Variants in NELL2 observed in about 807,000 individuals in gnomAD.
The protein encoded by NELL2 is neural EGFL like 2.
NELL2 carries 41 observed loss-of-function variants against 109.6 expected under a neutral mutation model. The observed-to-expected ratio is 0.37, with a 90% CI of 0.29 to 0.49. The LOEUF is 0.49. Among genes scored for constraint, NELL2 ranks in the 20% least tolerant of loss-of-function variants. The pLI, the probability that NELL2 is intolerant of heterozygous loss-of-function variation, is 0.98. For synonymous variants in NELL2, 355 were observed against 344.7 expected, an observed-to-expected ratio of 1.03 and a Z score of -0.33; for missense variants, 900 against 1,008.3, an observed-to-expected ratio of 0.89 and a Z score of 1.45.
intron 9 of NELL2, among the ~76,000 whole-genome samples, chr12:44,737,903 G>A (rs1162685658): frequency 6.6e-6 from 1 of 150,690 alleles, no homozygotes; most frequent in Non-Finnish European, 1.5e-5. Flanking sequence ...AAAAAAAAAT[G>A]TATGACAGAC....
intron 2 of NELL2, 179 bp downstream of exon 2, chr12:44,875,046 A>G (rs771630052): frequency 2.3e-4 from 166 of 735,292 alleles, no homozygotes; most frequent in Non-Finnish European, 3.3e-4. Context: ...AGGGTGAGGC[A>G]GGGGAGAAAA....
In NELL2 at chr12:44,569,688, A is replaced by G. The variant is rs577953507; in HGVS notation, c.1664-36967T>C. Among the ~76,000 whole-genome samples the G allele has an allele frequency of 1.3e-4, 20 of 152,326 alleles. No individual in the cohort carries two copies. In the South Asian group the frequency reaches 3.7e-3, roughly 28 times the overall value. On this transcript the variant is annotated intron_variant, in intron 15 of 19. Coordinates refer to ENST00000429094, the MANE Select transcript of NELL2 (RefSeq NM_001145108.2). ...CTGTTAGGCCTTGGCACCCAGAAAT[A>G]ATATGAAGCAACTGAAATACTTATT...
At chr12:44,661,248 T>C (rs886654004) in intron 13 of NELL2, among the ~76,000 whole-genome samples, 1 of 152,188 alleles carries the variant, frequency 6.6e-6, no homozygotes, top group South Asian at 2.1e-4. Flanking sequence ...GGGGGCAAGA[T>C]GTTGGAGGTG....
At chr12:44,521,643 A>T (rs1431882372) in intron 18 of NELL2, among the ~76,000 whole-genome samples, 1 of 151,776 alleles carries the variant, frequency 6.6e-6, no homozygotes, top group African/African-American at 2.4e-5. Flanking sequence ...AAAAAAGAGT[A>T]TTTTTTTTAT....
rs1210883626 is a variant in NELL2 at position 44,548,531 on chromosome 12, T to A, written c.1664-15810A>T. On this transcript the variant is annotated intron_variant, in intron 15 of 19. Transcript: ENST00000429094. ...CTGCACACCAGCCCGGGTGACAGTG[T>A]GAGACTCCGTCTAAAAAAAAAAAAA... 7.5e-5 allele frequency among the ~76,000 whole-genome samples: 10 copies of A among 133,678 alleles called. No individual in the cohort carries two copies. The Admixed American group carries it at 7.9e-4, about 11-fold the overall frequency. The allele number at this position is 133,678 out of a possible 152,430, so 87.7% of individuals were successfully genotyped here.
At chr12:44,735,388 A>G (rs1939588381) in intron 9 of NELL2, among the ~76,000 whole-genome samples, 1 of 151,928 alleles carries the variant, frequency 6.6e-6, no homozygotes, top group South Asian at 2.1e-4. Context: ...CACCAAAGGC[A>G]TAATACATAA....
At chr12:44,593,090 T>C (rs1489259638) in intron 15 of NELL2, among the ~76,000 whole-genome samples, 1 of 152,074 alleles carries the variant, frequency 6.6e-6, no homozygotes, top group African/African-American at 2.4e-5. Context: ...AAGAAAAGCA[T>C]TCATGATCTA....
At chr12:44,552,809 GTGAC>G (rs1008588131) in intron 15 of NELL2, among the ~76,000 whole-genome samples, 8 of 152,098 alleles carry the variant, frequency 5.3e-5, no homozygotes, top group Non-Finnish European at 1.0e-4. Flanking sequence ...AGTTGTTGCT[GTGAC>G]TTTCAAATTT....
chr12:44,752,396 CAGT>C (rs1940692717), intron 9 of NELL2, among the ~76,000 whole-genome samples: 1 of 152,076 alleles, frequency 6.6e-6, no homozygotes. Flanking sequence ...GACTGACATA[CAGT>C]ATCTCATTTA....
intron 2 of NELL2, among the ~76,000 whole-genome samples, chr12:44,847,664 A>C (rs796579757): frequency 1.9e-4 from 29 of 152,122 alleles, no homozygotes; most frequent in African/African-American, 6.3e-4. Context: ...AACCCACTCC[A>C]TGCAAGACTG....
intron 9 of NELL2, among the ~76,000 whole-genome samples, chr12:44,724,374 A>G (rs1270381396): frequency 6.6e-6 from 1 of 151,988 alleles, no homozygotes; most frequent in Non-Finnish European, 1.5e-5. Flanking sequence ...ACACCTGCAT[A>G]TGTATGCTTT....
intron 13 of NELL2, among the ~76,000 whole-genome samples, chr12:44,644,426 TA>T (rs1307277783): frequency 6.6e-6 from 1 of 151,394 alleles, no homozygotes; most frequent in Non-Finnish European, 1.5e-5. Context: ...ACTTCTCCTC[TA>T]GAAGAATAAG....
chr12:44,869,543 T>C (rs1250105849), intron 2 of NELL2, among the ~76,000 whole-genome samples: 1 of 152,130 alleles, frequency 6.6e-6, no homozygotes. Context: ...TGCCATAATA[T>C]TCTTAAGAAC....
chr12:44,683,366 C>T (rs1948595913), intron 12 of NELL2, among the ~76,000 whole-genome samples: 1 of 144,352 alleles, frequency 6.9e-6, no homozygotes. Context: ...CGTCTGCAAA[C>T]AGGGACAATT....
At chr12:44,899,966 T>G (rs950551599) in intron 1 of NELL2, among the ~76,000 whole-genome samples, 4 of 152,002 alleles carry the variant, frequency 2.6e-5, no homozygotes, top group Non-Finnish European at 5.9e-5. Flanking sequence ...GCAATTTTAG[T>G]CTCTGATAAA....
At chr12:44,748,849 A>G (rs1432729566) in intron 9 of NELL2, among the ~76,000 whole-genome samples, 1 of 152,184 alleles carries the variant, frequency 6.6e-6, no homozygotes, top group Non-Finnish European at 1.5e-5. Flanking sequence ...AGGGACTGTT[A>G]ATGACTAGCA....
In NELL2 at chr12:44,711,375, A is replaced by G. The variant is rs752201490; in HGVS notation, c.1106T>C (p.Val369Ala). ...YECKDQTMKLVESSGCPALDC... is the reference protein window; with the variant it reads ...YECKDQTMKLAESSGCPALDC... ...CAAAGCTGGACAGCCTGAACTCTCA[A>G]CAAGTTTCATGGTCTGGTCCTGTTA... The change falls in exon 11 of 20, where the codon GTT (valine) becomes GCT (alanine). Residue 369 changes from valine to alanine, a missense_variant. This residue lies in a region of NELL2 where 292 missense variants were observed against 265.3 expected (regional missense o/e 1.10). Coordinates refer to ENST00000429094, the MANE Select transcript of NELL2 (RefSeq NM_001145108.2). 6.2e-7 allele frequency: 1 copy of G among 1,612,392 alleles called. No individual in the cohort carries two copies. The highest frequency in any genetic ancestry group is 8.5e-7 in the Non-Finnish European group (1 of 1,178,750).
chr12:44,739,090 T>G (rs750413344), intron 9 of NELL2, among the ~76,000 whole-genome samples: 61 of 152,318 alleles, frequency 4.0e-4, no homozygotes, highest in Non-Finnish European at 7.9e-4. Context: ...CTTCTGATCT[T>G]AAATGTTACT....
At chr12:44,626,911 G>T (rs1164217382) in intron 13 of NELL2, among the ~76,000 whole-genome samples, 2 of 152,138 alleles carry the variant, frequency 1.3e-5, no homozygotes, top group Non-Finnish European at 2.9e-5. Context: ...TTGTTTTTTA[G>T]AAAAGCCTCT....
Sources: allele counts gnomAD v4.1 joint callset (sites outside exome capture counted in the v4.1 genomes callset), GRCh38; gene constraint gnomAD v4.1.1; regional missense constraint gnomAD v4.1.1; transcripts MANE v1.5; gene names NCBI Gene and HGNC (gene_info 2026-07-23, HGNC 2026-07-21).